TSPAN15: variants seen among roughly 807,000 people sequenced by gnomAD.
TSPAN15 encodes the protein tetraspanin 15.
A neutral mutation model predicts 34.5 loss-of-function variants in TSPAN15; 20 were observed. That is an observed-to-expected ratio of 0.58 (90% confidence interval 0.41 to 0.84). The LOEUF (loss-of-function observed/expected upper bound fraction) is 0.84. TSPAN15 is among the 40% of genes least tolerant of loss of function. The probability of loss-of-function intolerance (pLI) is 0.00; values close to 1 mark genes in which losing one functional copy is unlikely to be tolerated. For missense variants in TSPAN15, 313 were observed against 386.1 expected, an observed-to-expected ratio of 0.81 and a Z score of 1.59; for synonymous variants, 155 against 153.9, an observed-to-expected ratio of 1.01 and a Z score of -0.05.
intron 1 of TSPAN15, among the ~76,000 whole-genome samples, chr10:69,461,605 CTG>C (rs2133067797): frequency 6.6e-6 from 1 of 152,256 alleles, no homozygotes; most frequent in South Asian, 2.1e-4. Context: ...TGTGGGGAGA[CTG>C]TGGGGGTGCT....
At position 69,458,276 on chromosome 10, in the gene TSPAN15, G is replaced by T. The variant is rs568629301; in HGVS notation, c.96+6586G>T. Among the ~76,000 whole-genome samples the T allele has an allele frequency of 2.6e-5, 4 of 152,266 alleles. No individual in the cohort carries two copies. In the East Asian group the frequency reaches 7.7e-4, roughly 29 times the overall value. ...GTTTCCAGGAGATTTTTACTTTCGAGAAGAGCTTTATTATTTTTGTGAAAA... is the reference window on the plus strand; with the variant it reads ...GTTTCCAGGAGATTTTTACTTTCGATAAGAGCTTTATTATTTTTGTGAAAA... On this transcript the variant is annotated intron_variant, in intron 1 of 7. Coordinates refer to ENST00000373290, the MANE Select transcript of TSPAN15 (RefSeq NM_012339.5).
the TSPAN15 span, among the ~76,000 whole-genome samples, chr10:69,521,134 A>G: frequency 6.6e-6 from 1 of 152,154 alleles, no homozygotes. Context: ...TTAGCATTTG[A>G]ATCAGTAGAC....
the TSPAN15 span, among the ~76,000 whole-genome samples, chr10:69,541,484 C>A: frequency 6.6e-6 from 1 of 152,204 alleles, no homozygotes; most frequent in Non-Finnish European, 1.5e-5. Context: ...ACTTGGGCAG[C>A]TCCACCCCTG....
At chr10:69,453,506 T>A (rs1228961568) in intron 1 of TSPAN15, among the ~76,000 whole-genome samples, 1 of 151,948 alleles carries the variant, frequency 6.6e-6, no homozygotes, top group African/African-American at 2.4e-5. Flanking sequence ...GAAGATGGAG[T>A]TGTATTTTGG....
intron 1 of TSPAN15, among the ~76,000 whole-genome samples, chr10:69,452,356 T>A (rs1301115869): frequency 6.6e-6 from 1 of 152,182 alleles, no homozygotes; most frequent in African/African-American, 2.4e-5. Flanking sequence ...CTCCGAGTGG[T>A]CTTTTATTTT....
At chr10:69,495,751 C>CCAT in intron 4 of TSPAN15, 62 bp downstream of exon 4, 1 of 1,205,790 alleles carries the variant, frequency 8.3e-7, no homozygotes, top group Non-Finnish European at 1.2e-6. Flanking sequence ...CATTCAGGCC[C>CCAT]CTGCTCAAGA....
At chr10:69,533,457 C>A in the TSPAN15 span, among the ~76,000 whole-genome samples, 2 of 152,068 alleles carry the variant, frequency 1.3e-5, no homozygotes, top group Admixed American at 6.6e-5. Context: ...CATGTGGGAG[C>A]CAAGCTATGA....
the TSPAN15 span, among the ~76,000 whole-genome samples, chr10:69,534,818 TAAA>T: frequency 4.1e-3 from 511 of 123,916 alleles, 1 homozygote; most frequent in African/African-American, 0.012. Flanking sequence ...CCCTGTATCT[TAAA>T]AAAAAAAAAA....
chr10:69,549,079 T>A, the TSPAN15 span, among the ~76,000 whole-genome samples: 1 of 151,812 alleles, frequency 6.6e-6, no homozygotes, highest in Non-Finnish European at 1.5e-5. Context: ...CACTCAATGA[T>A]GTAAATTTGC....
At chr10:69,495,525 C>G (rs1190866386) in intron 3 of TSPAN15, 69 bp from the exon 4 acceptor site, 5 of 1,189,772 alleles carry the variant, frequency 4.2e-6, no homozygotes, top group Admixed American at 1.7e-5. Flanking sequence ...ATCCAGGCTT[C>G]TGGAAAACCT....
the TSPAN15 span, among the ~76,000 whole-genome samples, chr10:69,533,294 G>A: frequency 6.6e-6 from 1 of 152,020 alleles, no homozygotes; most frequent in Non-Finnish European, 1.5e-5. Flanking sequence ...AGTGGATAAA[G>A]AAACTGTGAT....
chr10:69,481,523 A>T (rs1412829385), intron 1 of TSPAN15, among the ~76,000 whole-genome samples: 1 of 152,194 alleles, frequency 6.6e-6, no homozygotes, highest in African/African-American at 2.4e-5. Context: ...ACTTCCCTTT[A>T]TTCAGGACTT....
chr10:69,455,744 T>G (rs1344434716), intron 1 of TSPAN15, among the ~76,000 whole-genome samples: 2 of 150,592 alleles, frequency 1.3e-5, no homozygotes, highest in Admixed American at 6.7e-5. Flanking sequence ...ATTCTAGGAG[T>G]GGGGTTGTTG....
intron 1 of TSPAN15, among the ~76,000 whole-genome samples, chr10:69,462,181 T>TTC (rs1491173337): frequency 7.0e-6 from 1 of 143,682 alleles, no homozygotes; most frequent in Non-Finnish European, 1.5e-5. Context: ...TTTTTTTTTT[T>TTC]GTAGAAATAG....
chr10:69,475,611 T>C (rs1266275474), intron 1 of TSPAN15, among the ~76,000 whole-genome samples: 1 of 152,186 alleles, frequency 6.6e-6, no homozygotes, highest in Non-Finnish European at 1.5e-5. Context: ...CCTGGCTGGA[T>C]TGAATAACTG....
At chr10:69,528,965 C>T in the TSPAN15 span, among the ~76,000 whole-genome samples, 2 of 148,124 alleles carry the variant, frequency 1.4e-5, 1 homozygote, top group African/African-American at 4.9e-5. Context: ...GGCAACCCAG[C>T]CCCCAGCTTT....
At chr10:69,465,228 TGG>T (rs202244563) in intron 1 of TSPAN15, among the ~76,000 whole-genome samples, 20,170 of 152,022 alleles carry the variant, frequency 0.13, 1,755 homozygotes, top group Non-Finnish European at 0.18. Context: ...CCCCTGGGGG[TGG>T]CAGTGGCCAC....
chr10:69,508,919 T>C (rs534264033), downstream of TSPAN15, among the ~76,000 whole-genome samples: 48 of 152,342 alleles, frequency 3.2e-4, no homozygotes, highest in Admixed American at 2.4e-3. Flanking sequence ...CAGCTGCTTC[T>C]GAAGCTCTGT....
intron 1 of TSPAN15, among the ~76,000 whole-genome samples, chr10:69,467,129 T>C (rs766463763): frequency 4.3e-4 from 65 of 152,160 alleles, no homozygotes; most frequent in Admixed American, 7.9e-4. Context: ...GAGAAAAGGA[T>C]TTAAGGTGAC....
Sources: allele counts gnomAD v4.1 joint callset (sites outside exome capture counted in the v4.1 genomes callset), GRCh38; gene constraint gnomAD v4.1.1; transcripts MANE v1.5; gene names NCBI Gene and HGNC (gene_info 2026-07-23, HGNC 2026-07-21).